PASD1: variants seen among roughly 807,000 people sequenced by gnomAD.
PASD1 encodes the protein circadian clock protein PASD1.
Under a neutral mutation model 58.8 loss-of-function variants are expected in PASD1, and 13 were observed. That is an observed-to-expected ratio of 0.22 (90% confidence interval 0.14 to 0.35). The LOEUF is 0.35. Ranked by LOEUF, PASD1 falls within the 10% of genes least tolerant of loss-of-function variation. PASD1 has a pLI of 1.00. For missense variants in PASD1, 734 were observed against 568.3 expected (o/e 1.29, Z -2.96); for synonymous variants, 236 against 216.7 (o/e 1.09, Z -0.78).
chrX:151,663,102 GT>G lies in PASD1; in HGVS notation c.842-1015del, dbSNP rs1241724701. ...TAAAATTCACTCTTTGATATATACAGTTCTATGGATTTTGACAAATGTTGAG... is the reference window on the plus strand; with the variant it reads ...TAAAATTCACTCTTTGATATATACAGTCTATGGATTTTGACAAATGTTGAG... On this transcript the variant is annotated intron_variant, in intron 10 of 15. Transcript: ENST00000370357. Among the ~76,000 whole-genome samples the G allele has an allele frequency of 2.7e-5, 3 of 111,701 alleles. No individual in the cohort carries two copies. In the East Asian group the frequency reaches 8.4e-4, roughly 31 times the overall value.
intron 1 of PASD1, among the ~76,000 whole-genome samples, chrX:151,600,031 G>A (rs934033090): frequency 1.8e-5 from 2 of 112,372 alleles, no homozygotes; most frequent in African/African-American, 6.5e-5. Context: ...GGGACGCCGA[G>A]GCTGGCAGAT....
Position 151,650,099 on chromosome X carries a change from A to G in PASD1, c.717+1397A>G, listed in dbSNP as rs192017401. Among the ~76,000 whole-genome samples the G allele has an allele frequency of 1.8e-4, 20 of 112,181 alleles. No homozygotes were observed. In the Admixed American group the frequency reaches 1.8e-3, roughly 10 times the overall value. ...GGTAGAAGAATGCTAATTTAGACAG[A>G]GCAGTGTTCTGTTTACACACAAACT... is the stretch of plus-strand genomic sequence containing the variant. On this transcript the variant is annotated intron_variant, in intron 9 of 15. Coordinates refer to ENST00000370357, the MANE Select transcript of PASD1 (RefSeq NM_173493.3).
At position 151,622,982 on chromosome X, in the gene PASD1, C is replaced by T; in HGVS notation, c.464C>T (p.Ala155Val). The change falls in exon 7 of 16, where the codon GCT becomes GTT. Residue 155 changes from alanine (A) to valine (V), a missense_variant. Ala to Val is a moderately conservative substitution (Grantham distance 64). Coordinates refer to ENST00000370357, the MANE Select transcript of PASD1 (RefSeq NM_173493.3). ...FSGLFSSHLC[A>V]DFAACVPQED... ...GGCTTGTTTTCCAGCCACCTCTGTGCTGACTTTGCTGCATGTGTTCCTCAG... is the reference window on the plus strand; with the variant it reads ...GGCTTGTTTTCCAGCCACCTCTGTGTTGACTTTGCTGCATGTGTTCCTCAG... 3 of 1,208,627 alleles carry T rather than the reference C, an allele frequency of 2.5e-6. No homozygotes were observed.
At chrX:151,580,511 T>C (rs980699142) in intron 1 of PASD1, among the ~76,000 whole-genome samples, 6 of 105,836 alleles carry the variant, frequency 5.7e-5, no homozygotes, top group African/African-American at 2.1e-4. Flanking sequence ...TTTTTTTCTT[T>C]TTTTTTTTTT....
intron 8 of PASD1, among the ~76,000 whole-genome samples, chrX:151,647,224 A>G (rs931472995): frequency 8.9e-5 from 10 of 112,300 alleles, no homozygotes; most frequent in African/African-American, 3.2e-4. Context: ...TCTGCAAGGC[A>G]GATAATATAA....
At chrX:151,580,448 G>C (rs1033066023) in intron 1 of PASD1, among the ~76,000 whole-genome samples, 1 of 109,670 alleles carries the variant, frequency 9.1e-6, no homozygotes, top group Admixed American at 9.7e-5. Context: ...TTAGAATATG[G>C]GATTTTCTCC....
intron 1 of PASD1, among the ~76,000 whole-genome samples, chrX:151,581,003 A>G: frequency 9.1e-6 from 1 of 109,942 alleles, no homozygotes; most frequent in Non-Finnish European, 1.9e-5. Flanking sequence ...CGAGGCTGCC[A>G]GATCACTTGA....
chrX:151,641,639 A>T (rs2013998093), intron 8 of PASD1, among the ~76,000 whole-genome samples: 1 of 111,353 alleles, frequency 9.0e-6, no homozygotes, highest in African/African-American at 3.3e-5. Flanking sequence ...ACCCTAACTC[A>T]TTGTCTCATG....
At chrX:151,571,324 C>T (rs1333309175) in intron 1 of PASD1, among the ~76,000 whole-genome samples, 1 of 111,672 alleles carries the variant, frequency 9.0e-6, no homozygotes, top group Non-Finnish European at 1.9e-5. Context: ...CTAGTTTCCT[C>T]CCTGATCCTG....
chrX:151,662,495 G>C (rs2014324134), intron 10 of PASD1, among the ~76,000 whole-genome samples: 1 of 110,995 alleles, frequency 9.0e-6, no homozygotes, highest in African/African-American at 3.3e-5. Flanking sequence ...GAAGATCTGG[G>C]TGCTAGTTGT....
intron 1 of PASD1, among the ~76,000 whole-genome samples, chrX:151,575,856 T>C (rs1007199553): frequency 2.8e-5 from 3 of 109,071 alleles, no homozygotes; most frequent in African/African-American, 1.0e-4. Context: ...TTAAAATTAT[T>C]TTTATTTTTA....
chrX:151,622,844 G>A (rs1385983139), intron 6 of PASD1, 93 bp from the exon 7 acceptor site: 2 of 961,027 alleles, frequency 2.1e-6, no homozygotes, highest in East Asian at 6.8e-5. Context: ...ATTGTCAATG[G>A]GTTAGCAAAC....
intron 1 of PASD1, among the ~76,000 whole-genome samples, chrX:151,569,410 AT>A (rs1197265984): frequency 8.9e-6 from 1 of 112,037 alleles, no homozygotes; most frequent in Non-Finnish European, 1.9e-5. Flanking sequence ...GCACTTTGAA[AT>A]GAGAAAGCTT....
intron 4 of PASD1, among the ~76,000 whole-genome samples, chrX:151,615,985 G>T (rs1049624096): frequency 8.9e-6 from 1 of 112,077 alleles, no homozygotes; most frequent in Admixed American, 9.5e-5. Context: ...GTGTCTTTCA[G>T]ACAGAGGAGG....
chrX:151,653,900 T>C lies in PASD1; in HGVS notation c.717+5198T>C, dbSNP rs1305463436. On this transcript the variant is annotated intron_variant, in intron 9 of 15. Coordinates refer to ENST00000370357, the MANE Select transcript of PASD1 (RefSeq NM_173493.3). Reference sequence around the variant, plus strand: ...TTTCTTTCTTTCTTTCTTTCTTTCTTTCTTTCTTTCTTTCTTTCTTTCTTT... The same window carrying C: ...TTTCTTTCTTTCTTTCTTTCTTTCTCTCTTTCTTTCTTTCTTTCTTTCTTT... Among the ~76,000 whole-genome samples, 22 of 60,801 alleles carry C rather than the reference T, an allele frequency of 3.6e-4. 1 individual carries two copies. The highest frequency in any genetic ancestry group is 8.2e-4 in the African/African-American group (12 of 14,606). 52.8% of individuals were successfully genotyped at this position (60,801 alleles called of 115,157 possible). A position where few individuals can be genotyped will look rare whatever the true frequency, so the allele number is the denominator to read the frequency against.
At chrX:151,640,799 A>C in intron 8 of PASD1, among the ~76,000 whole-genome samples, 1 of 111,774 alleles carries the variant, frequency 8.9e-6, no homozygotes, top group Non-Finnish European at 1.9e-5. Context: ...TACGTTTGAA[A>C]AGGGGCAGGG....
At chrX:151,603,619 A>G (rs898405775) in intron 2 of PASD1, among the ~76,000 whole-genome samples, 33 of 111,163 alleles carry the variant, frequency 3.0e-4, no homozygotes, top group Admixed American at 7.6e-4. Context: ...TGAGTTTCCA[A>G]GCTGGGACAG....
chrX:151,615,944 A>G (rs2013631976), intron 4 of PASD1, among the ~76,000 whole-genome samples: 1 of 112,078 alleles, frequency 8.9e-6, no homozygotes, highest in African/African-American at 3.2e-5. Flanking sequence ...ACCTGAATGG[A>G]GTATGTGTGA....
At chrX:151,618,669 A>G (rs1477554039) in intron 4 of PASD1, among the ~76,000 whole-genome samples, 1 of 112,209 alleles carries the variant, frequency 8.9e-6, no homozygotes, top group Admixed American at 9.5e-5. Context: ...AGTTGGTGCT[A>G]TGTAAAATAC....
Sources: allele counts gnomAD v4.1 joint callset (sites outside exome capture counted in the v4.1 genomes callset), GRCh38; gene constraint gnomAD v4.1.1; transcripts MANE v1.5; gene names NCBI Gene and HGNC (gene_info 2026-07-23, HGNC 2026-07-21).